HFM1: variants seen among roughly 807,000 people sequenced by gnomAD.
HFM1 encodes helicase for meiosis 1, also known as probable ATP-dependent DNA helicase HFM1.
A neutral mutation model predicts 192.1 loss-of-function variants in HFM1; 169 were observed. The observed-to-expected ratio is 0.88, with a 90% CI of 0.78 to 1.00. The LOEUF is 1.00. Ranked by LOEUF, HFM1 falls within the 50% of genes least tolerant of loss-of-function variation. HFM1 has a pLI of 0.00. For missense variants in HFM1, 1,661 were observed against 1,668.0 expected (o/e 1.00, Z 0.07); for synonymous variants, 525 against 537.8 (o/e 0.98, Z 0.33).
intron 2 of HFM1, 122 bp downstream of exon 2, chr1:91,400,885 CTGAAA>C (rs1189683066): frequency 3.8e-6 from 2 of 520,964 alleles, no homozygotes; most frequent in Admixed American, 3.9e-5. Context: ...AAATATGTAA[CTGAAA>C]TATCGTTCTG....
chr1:91,401,916 T>C (rs1664348195), intron 1 of HFM1, among the ~76,000 whole-genome samples: 1 of 136,454 alleles, frequency 7.3e-6, no homozygotes, highest in African/African-American at 2.7e-5. Flanking sequence ...GCAAATGTGA[T>C]TAAAAAAAAA....
chr1:91,326,362 G>GC (rs1240593900), intron 20 of HFM1, among the ~76,000 whole-genome samples: 1 of 152,114 alleles, frequency 6.6e-6, no homozygotes, highest in African/African-American at 2.4e-5. Flanking sequence ...GATCCTAAGA[G>GC]CAGCAAAAAA....
At chr1:91,328,830 T>C in intron 20 of HFM1, 1 of 1,611,374 alleles carries the variant, frequency 6.2e-7, no homozygotes, top group Non-Finnish European at 8.5e-7. Context: ...CTCATGGGCA[T>C]CCCTTACCTT....
At position 91,275,268 on chromosome 1, in the gene HFM1, C is replaced by T. The variant is rs371235089; in HGVS notation, c.3589-459G>A. Among the ~76,000 whole-genome samples the T allele has an allele frequency of 6.6e-5, 10 of 152,344 alleles. No homozygotes were observed. In the East Asian group the frequency reaches 1.9e-3, roughly 29 times the overall value. ...AAAGTGCTGGGATTACAGGCGTGAG[C>T]CACCACATCTGGCCTAAATGTTGGC... On this transcript the variant is annotated intron_variant, in intron 32 of 38. Coordinates refer to ENST00000370425, the MANE Select transcript of HFM1 (RefSeq NM_001017975.6).
chr1:91,311,205 T>C (rs371875526), intron 30 of HFM1, among the ~76,000 whole-genome samples: 21 of 152,248 alleles, frequency 1.4e-4, no homozygotes, highest in African/African-American at 5.1e-4. Flanking sequence ...ACTGGTGGCA[T>C]TTTGCCCCTG....
In HFM1 at chr1:91,343,482, T is replaced by C. The variant is rs373375435; in HGVS notation, c.2283A>G (p.Leu761=). ...CCATCTTTATTAAGTCCAGGGATGA[T>C]AAATCATTCAGATTCTTCAAACATA... ...QELCLKNLND[L]SSLDLIKMDE... The change falls in exon 20 of 39, where the codon TTA becomes TTG. Residue 761 remains leucine (L), a synonymous_variant. Transcript: ENST00000370425. The C allele has an allele frequency of 9.1e-6, 13 of 1,431,542 alleles. No individual in the cohort carries two copies. The highest frequency in any genetic ancestry group is 1.2e-5 in the Non-Finnish European group (13 of 1,043,824). The allele number at this position is 1,431,542 out of a possible 1,614,324, so 88.7% of individuals were successfully genotyped here.
chr1:91,363,372 T>C (rs1406311907), intron 13 of HFM1, among the ~76,000 whole-genome samples: 1 of 140,424 alleles, frequency 7.1e-6, no homozygotes, highest in East Asian at 2.1e-4. Context: ...AAGCGGGCAA[T>C]GGACATGAAC....
Position 91,324,753 on chromosome 1 carries a change from C to T in HFM1, c.2349G>A (p.Leu783=), listed in dbSNP as rs1570954611. The T allele has an allele frequency of 6.4e-7, 1 of 1,562,142 alleles. No individual in the cohort carries two copies. The highest frequency in any genetic ancestry group is 2.2e-5 in the East Asian group (1 of 44,600). Residue 783 remains leucine (L), a synonymous_variant, in exon 21 of 39, where the codon TTG becomes TTA. Coordinates refer to ENST00000370425, the MANE Select transcript of HFM1 (RefSeq NM_001017975.6). The stretch of plus-strand genomic sequence containing the variant: ...CAAATGTAATATAATACCAAGCCAT[C>T]AATCTTCCTGCTTCTGTAAGAAAAG... ...VNFKPTEAGR[L]MAWYYITFET...
chr1:91,344,880 G>A (rs1655919389), intron 19 of HFM1, among the ~76,000 whole-genome samples: 1 of 151,246 alleles, frequency 6.6e-6, no homozygotes, highest in Admixed American at 6.6e-5. Flanking sequence ...CCGAGTAGCT[G>A]GAACTACAGG....
At chr1:91,293,512 C>A (rs1239976702) in intron 30 of HFM1, among the ~76,000 whole-genome samples, 1 of 150,734 alleles carries the variant, frequency 6.6e-6, no homozygotes, top group Non-Finnish European at 1.5e-5. Context: ...CCATCTCACA[C>A]CAGTTAGAAT....
chr1:91,387,062 T>C (rs1417521503), intron 4 of HFM1, among the ~76,000 whole-genome samples: 11 of 152,220 alleles, frequency 7.2e-5, no homozygotes. Flanking sequence ...AAGTAACTTG[T>C]TCACAATATC....
intron 20 of HFM1, 82 bp from the exon 21 acceptor site, chr1:91,324,848 G>C: frequency 1.3e-6 from 1 of 771,794 alleles, no homozygotes; most frequent in Non-Finnish European, 2.3e-6. Flanking sequence ...CATTTCCTGA[G>C]GGGAGGAGAA....
intron 9 of HFM1, 49 bp from the exon 10 acceptor site, chr1:91,378,529 T>C (rs1163861515): frequency 2.8e-6 from 3 of 1,088,498 alleles, no homozygotes; most frequent in Non-Finnish European, 4.1e-6. Context: ...TAAGGAATTA[T>C]AATAAATATT....
chr1:91,326,771 T>G (rs1238749340), intron 20 of HFM1, among the ~76,000 whole-genome samples: 1 of 810 alleles, frequency 1.2e-3, no homozygotes, highest in South Asian at 0.25. Context: ...TTAAATAGAC[T>G]AAATGAAGCA....
At chr1:91,355,877 A>C (rs1657654246) in intron 13 of HFM1, among the ~76,000 whole-genome samples, 1 of 152,214 alleles carries the variant, frequency 6.6e-6, no homozygotes, top group Admixed American at 6.5e-5. Flanking sequence ...CCTAACAGAC[A>C]AATATAGAAC....
chr1:91,358,662 T>C (rs991024420), intron 13 of HFM1, among the ~76,000 whole-genome samples: 3 of 152,154 alleles, frequency 2.0e-5, no homozygotes, highest in Non-Finnish European at 4.4e-5. Flanking sequence ...AAGATCTAAA[T>C]GTAAGACCTG....
At chr1:91,354,479 T>C (rs1218954744) in intron 13 of HFM1, among the ~76,000 whole-genome samples, 3 of 152,070 alleles carry the variant, frequency 2.0e-5, no homozygotes, top group Admixed American at 2.0e-4. Flanking sequence ...GGACATCCAG[T>C]TCCATGAATC....
intron 6 of HFM1, 90 bp from the exon 7 acceptor site, chr1:91,381,072 G>T: frequency 3.0e-6 from 2 of 656,468 alleles, no homozygotes; most frequent in South Asian, 1.8e-5. Flanking sequence ...TATAGATTCT[G>T]ACAATATTTA....
In HFM1 at chr1:91,391,867, A is replaced by G. The variant is rs530271232; in HGVS notation, c.494+2226T>C. 2.0e-5 allele frequency among the ~76,000 whole-genome samples: 3 copies of G among 152,342 alleles called. No homozygotes were observed. The South Asian group carries it at 6.2e-4, about 32-fold the overall frequency. ...CCCATATGACAGAGGGCTAATATCC[A>G]GAATCTACAAAGAACTTAAACAAAT... On this transcript the variant is annotated intron_variant, in intron 4 of 38. Transcript: ENST00000370425.
Sources: allele counts gnomAD v4.1 joint callset (sites outside exome capture counted in the v4.1 genomes callset), GRCh38; gene constraint gnomAD v4.1.1; transcripts MANE v1.5; gene names NCBI Gene and HGNC (gene_info 2026-07-23, HGNC 2026-07-21).